The following NME7 variants were observed in gnomAD, a reference collection of about 807,000 sequenced individuals.
The protein encoded by NME7 is nucleoside diphosphate kinase 7.
NME7 carries 41 observed loss-of-function variants against 49.1 expected under a neutral mutation model. That is an observed-to-expected ratio of 0.83 (90% CI 0.65 to 1.08). The LOEUF (loss-of-function observed/expected upper bound fraction) is 1.08, where lower values mean the gene tolerates loss of function less well. NME7 is among the 50% of genes least tolerant of loss of function. The pLI, the probability that NME7 is intolerant of heterozygous loss-of-function variation, is 0.00. For synonymous variants in NME7, 139 were observed against 150.6 expected, an observed-to-expected ratio of 0.92 and a Z score of 0.56; for missense variants, 423 against 463.4, an observed-to-expected ratio of 0.91 and a Z score of 0.80.
chr1:169,138,984 C>T (rs1658512566), intron 11 of NME7, among the ~76,000 whole-genome samples: 1 of 152,136 alleles, frequency 6.6e-6, no homozygotes, highest in Admixed American at 6.5e-5. Context: ...CCCCTTTTGC[C>T]TCGAAGATGG....
intron 3 of NME7, among the ~76,000 whole-genome samples, chr1:169,317,928 T>C (rs564702423): frequency 6.6e-6 from 1 of 152,306 alleles, no homozygotes; most frequent in African/African-American, 2.4e-5. Context: ...GCCCGACCTC[T>C]TTTTTCTCAG....
At chr1:169,282,827 C>A (rs181028508) in intron 7 of NME7, among the ~76,000 whole-genome samples, 24 of 152,014 alleles carry the variant, frequency 1.6e-4, no homozygotes, top group African/African-American at 5.8e-4. Flanking sequence ...GTTATAATTT[C>A]CATTCTTTTG....
intron 1 of NME7, among the ~76,000 whole-genome samples, chr1:169,353,512 A>T (rs1223681947): frequency 6.6e-6 from 1 of 152,088 alleles, no homozygotes; most frequent in Non-Finnish European, 1.5e-5. Flanking sequence ...GACCACCACC[A>T]CACAGGCACA....
intron 11 of NME7, among the ~76,000 whole-genome samples, chr1:169,161,489 A>AT (rs976011453): frequency 2.0e-5 from 3 of 152,198 alleles, no homozygotes; most frequent in Non-Finnish European, 4.4e-5. Flanking sequence ...TTGATTCACT[A>AT]TTTTTTCCCC....
chr1:169,162,843 T>A (rs1399660876), intron 11 of NME7, among the ~76,000 whole-genome samples: 3 of 151,948 alleles, frequency 2.0e-5, no homozygotes, highest in Non-Finnish European at 4.4e-5. Context: ...TGTCTCAAAA[T>A]AATAATAATA....
At chr1:169,237,506 T>C (rs34246691) in intron 8 of NME7, 117 bp downstream of exon 8, 45,617 of 659,812 alleles carry the variant, frequency 0.069, 8,814 homozygotes, top group East Asian at 0.66. Flanking sequence ...TCAGTAAGTA[T>C]GTCTTTTATT....
At chr1:169,363,061 G>A (rs1460941400) in intron 1 of NME7, among the ~76,000 whole-genome samples, 1 of 149,338 alleles carries the variant, frequency 6.7e-6, no homozygotes, top group Admixed American at 6.7e-5. Flanking sequence ...GCAGCATAGT[G>A]AGACCCTGTC....
In NME7 at chr1:169,340,686, G is replaced by C. The variant is rs562850148; in HGVS notation, c.4-16186C>G. ...ATATGGACAATGAAGTCCAGGCTGA[G>C]GTGGTCTCAGATGAAGATGAGAAAC... On this transcript the variant is annotated intron_variant, in intron 1 of 11. Transcript: ENST00000367811. Among the ~76,000 whole-genome samples the C allele has an allele frequency of 1.6e-4, 25 of 152,322 alleles. No individual in the cohort carries two copies. The East Asian group carries it at 2.9e-3, about 18-fold the overall frequency.
chr1:169,132,718 C>T lies in NME7; in HGVS notation c.*67G>A. The T allele has an allele frequency of 6.9e-7, 1 of 1,439,906 alleles. No individual in the cohort carries two copies. Among genetic ancestry groups the T allele is most frequent in the East Asian group, 2.3e-5 (1 of 43,688 alleles). 89.2% of individuals were successfully genotyped at this position (1,439,906 alleles called of 1,614,324 possible). On this transcript the variant is annotated 3_prime_UTR_variant, in exon 12 of 12. Transcript: ENST00000367811. ...ACAACGGACAATAAAAGAATGAACA[C>T]ATTCCTCGTGTGTGATTCACTCTTG...
At chr1:169,133,681 T>C (rs1658329287) in intron 11 of NME7, among the ~76,000 whole-genome samples, 2 of 152,240 alleles carry the variant, frequency 1.3e-5, no homozygotes, top group South Asian at 4.1e-4. Flanking sequence ...TTGAAGTCTT[T>C]AGGAGACTTC....
At position 169,257,213 on chromosome 1, in the gene NME7, G is replaced by A. The variant is rs903983737; in HGVS notation, c.755-19526C>T. 1.5e-3 allele frequency among the ~76,000 whole-genome samples: 208 copies of A among 134,378 alleles called. 35 individuals carry two copies. Among genetic ancestry groups the A allele is most frequent in the Admixed American group, 3.5e-3 (48 of 13,786 alleles). 88.2% of individuals were successfully genotyped at this position (134,378 alleles called of 152,430 possible). ...TCAGACTGCTGTGCTGGCAATCGGCGAGACTCCGTGGGCATAGGACCCTCC... is the reference window on the plus strand; with the variant it reads ...TCAGACTGCTGTGCTGGCAATCGGCAAGACTCCGTGGGCATAGGACCCTCC... On this transcript the variant is annotated intron_variant, in intron 7 of 11. Coordinates refer to ENST00000367811, the MANE Select transcript of NME7 (RefSeq NM_013330.5).
At chr1:169,132,848 T>G (rs774573167) in intron 11 of NME7, 31 bp from the exon 12 acceptor site, 3 of 1,610,648 alleles carry the variant, frequency 1.9e-6, no homozygotes, top group Non-Finnish European at 2.5e-6. Flanking sequence ...ATTTCTTAGT[T>G]CAGACAAATT....
chr1:169,278,161 T>C (rs1649826255), intron 7 of NME7, among the ~76,000 whole-genome samples: 1 of 150,756 alleles, frequency 6.6e-6, no homozygotes, highest in African/African-American at 2.4e-5. Context: ...GACAATTATA[T>C]GTCTTGGAGT....
chr1:169,172,323 C>T (rs905817631), intron 10 of NME7, among the ~76,000 whole-genome samples: 22 of 127,710 alleles, frequency 1.7e-4, no homozygotes, highest in Non-Finnish European at 2.3e-4. Context: ...CAAAAACATA[C>T]GTGTGTGTGT....
chr1:169,258,495 C>T lies in NME7; in HGVS notation c.755-20808G>A, dbSNP rs573745066. On this transcript the variant is annotated intron_variant, in intron 7 of 11. Coordinates refer to ENST00000367811, the MANE Select transcript of NME7 (RefSeq NM_013330.5). Reference sequence around the variant, plus strand: ...CAACATTTTTTTTAATAAACAGGTACGTTGATTTTTACTTATTCTAACTTT... The same window carrying T: ...CAACATTTTTTTTAATAAACAGGTATGTTGATTTTTACTTATTCTAACTTT... Among the ~76,000 whole-genome samples, 7 of 122,266 alleles carry T rather than the reference C, an allele frequency of 5.7e-5. 1 individual carries two copies. Among genetic ancestry groups the T allele is most frequent in the Admixed American group, 1.6e-4 (2 of 12,270 alleles). The allele number at this position is 122,266 out of a possible 152,430, so 80.2% of individuals were successfully genotyped here. A position where few individuals can be genotyped will look rare whatever the true frequency, so the allele number is the denominator to read the frequency against.
chr1:169,150,763 GAA>G (rs10689301), intron 11 of NME7, among the ~76,000 whole-genome samples: 3 of 124,322 alleles, frequency 2.4e-5, no homozygotes. Flanking sequence ...GCTGGAAAAG[GAA>G]AAAAAAAAAA....
intron 5 of NME7, among the ~76,000 whole-genome samples, chr1:169,299,954 C>T (rs1307363421): frequency 6.6e-6 from 1 of 152,006 alleles, no homozygotes; most frequent in Non-Finnish European, 1.5e-5. Flanking sequence ...AGCGTCTGTG[C>T]CACAAAAAAG....
chr1:169,167,887 T>C (rs1456509006), intron 11 of NME7, among the ~76,000 whole-genome samples: 1 of 152,238 alleles, frequency 6.6e-6, no homozygotes, highest in Non-Finnish European at 1.5e-5. Context: ...AGTGCTATTG[T>C]TATACTTGGT....
At chr1:169,278,263 A>T (rs1029993152) in intron 7 of NME7, among the ~76,000 whole-genome samples, 2 of 150,334 alleles carry the variant, frequency 1.3e-5, no homozygotes, top group Non-Finnish European at 3.0e-5. Context: ...GTTCTCCTGG[A>T]TAATATCCTG....
Sources: allele counts gnomAD v4.1 joint callset (sites outside exome capture counted in the v4.1 genomes callset), GRCh38; gene constraint gnomAD v4.1.1; transcripts MANE v1.5; gene names NCBI Gene and HGNC (gene_info 2026-07-23, HGNC 2026-07-21).